MAP3K5: variants seen among roughly 807,000 people sequenced by gnomAD.
MAP3K5 encodes mitogen-activated protein kinase kinase kinase 5.
In MAP3K5, 56 loss-of-function variants were observed where a neutral mutation model predicts 158.7. The observed-to-expected ratio is 0.35, with a 90% CI of 0.28 to 0.44. The LOEUF (loss-of-function observed/expected upper bound fraction) is 0.44. Ranked by LOEUF, MAP3K5 falls within the 20% of genes least tolerant of loss-of-function variation. The probability of loss-of-function intolerance (pLI) is 1.00; values close to 1 mark genes in which losing one functional copy is unlikely to be tolerated. For synonymous variants in MAP3K5, 579 were observed against 601.7 expected (o/e 0.96, Z 0.55); for missense variants, 1,294 against 1,674.8 (o/e 0.77, Z 3.97).
At chr6:136,587,402 C>T (rs533505415) in intron 23 of MAP3K5, among the ~76,000 whole-genome samples, 54 of 152,238 alleles carry the variant, frequency 3.5e-4, no homozygotes, top group African/African-American at 1.3e-3. Flanking sequence ...TGATTTAAAT[C>T]ACTCACAATC....
intron 15 of MAP3K5, among the ~76,000 whole-genome samples, chr6:136,618,382 G>A (rs1046919429): frequency 6.6e-6 from 1 of 152,230 alleles, no homozygotes; most frequent in African/African-American, 2.4e-5. Flanking sequence ...CAAGCTAAGG[G>A]CTTGTCATGT....
chr6:136,668,208 C>T (rs7766871), intron 8 of MAP3K5, among the ~76,000 whole-genome samples: 3,166 of 151,918 alleles, frequency 0.021, 118 homozygotes, highest in African/African-American at 0.072. Context: ...AGTGTGGCCA[C>T]GTCTTTATAA....
chr6:136,605,279 G>A lies in MAP3K5; in HGVS notation c.2609C>T (p.Thr870Ile). ...TTTTCCTGTGGCCATTTCAATGATT[G>A]TACAGCCCAGAGACCAGATGTCTGC... ...KAADIWSLGC[T>I]IIEMATGKPP... Residue 870 changes from threonine to isoleucine, a missense_variant, in exon 19 of 30, where the codon ACA becomes ATA. Coordinates refer to ENST00000359015, the MANE Select transcript of MAP3K5 (RefSeq NM_005923.4). 2 of 1,614,012 alleles carry A rather than the reference G, an allele frequency of 1.2e-6. No homozygotes were observed. Among genetic ancestry groups the A allele is most frequent in the Non-Finnish European group, 1.7e-6 (2 of 1,179,930 alleles).
chr6:136,598,132 C>T (rs902343291), intron 21 of MAP3K5, among the ~76,000 whole-genome samples: 1 of 152,238 alleles, frequency 6.6e-6, no homozygotes, highest in African/African-American at 2.4e-5. Context: ...ACTCCAGCAT[C>T]ATCCCTCCCC....
At position 136,583,786 on chromosome 6, in the gene MAP3K5, T is replaced by A. The variant is rs774268807; in HGVS notation, c.3226-46A>T. The A allele has an allele frequency of 7.8e-6, 12 of 1,548,328 alleles. No individual in the cohort carries two copies. In the South Asian group the frequency reaches 1.3e-4, roughly 16 times the overall value. On this transcript the variant is annotated intron_variant, in intron 23 of 29. Transcript: ENST00000359015. ...TCCTTACATCAACATATGCTGGATA[T>A]ACCTGCCATGGTAATCCTATCTCCA... is the stretch of plus-strand genomic sequence containing the variant.
intron 15 of MAP3K5, among the ~76,000 whole-genome samples, chr6:136,617,507 A>G (rs1212212736): frequency 1.3e-5 from 2 of 152,158 alleles, no homozygotes; most frequent in Admixed American, 1.3e-4. Flanking sequence ...TTGACTGGAT[A>G]TTTACATCTC....
intron 25 of MAP3K5, among the ~76,000 whole-genome samples, chr6:136,579,630 T>G (rs974735539): frequency 6.6e-6 from 1 of 152,212 alleles, no homozygotes; most frequent in Non-Finnish European, 1.5e-5. Context: ...AACTATGGAC[T>G]CTTGGTGATG....
chr6:136,629,534 A>G (rs1777216899), intron 14 of MAP3K5, among the ~76,000 whole-genome samples: 1 of 147,752 alleles, frequency 6.8e-6, no homozygotes, highest in Non-Finnish European at 1.5e-5. Context: ...AGCTCGCTGC[A>G]AGCTCCGCCT....
At chr6:136,639,785 T>C in intron 12 of MAP3K5, 147 bp from the exon 13 acceptor site, 1 of 579,870 alleles carries the variant, frequency 1.7e-6, no homozygotes, top group Non-Finnish European at 3.1e-6. Context: ...TAAAAAGTGA[T>C]ACTTCCTGCA....
intron 9 of MAP3K5, among the ~76,000 whole-genome samples, chr6:136,658,456 A>G (rs1027393363): frequency 1.3e-5 from 2 of 151,104 alleles, no homozygotes; most frequent in African/African-American, 4.9e-5. Flanking sequence ...CTGGGATTAC[A>G]GGCACCCGCG....
intron 1 of MAP3K5, among the ~76,000 whole-genome samples, chr6:136,745,503 C>G (rs1359421955): frequency 6.6e-6 from 1 of 152,132 alleles, no homozygotes; most frequent in African/African-American, 2.4e-5. Context: ...GCTGGGAACG[C>G]TCCCCACTGA....
At chr6:136,596,527 A>T (rs1775638818) in intron 21 of MAP3K5, among the ~76,000 whole-genome samples, 1 of 152,150 alleles carries the variant, frequency 6.6e-6, no homozygotes. Context: ...CAGTGAGGCC[A>T]TTTGTAGATC....
intron 25 of MAP3K5, among the ~76,000 whole-genome samples, chr6:136,574,910 T>C (rs958763391): frequency 5.3e-5 from 8 of 151,936 alleles, no homozygotes; most frequent in South Asian, 2.1e-4. Flanking sequence ...AGGATGGTCT[T>C]GATCTCCTGA....
chr6:136,558,746 T>C, intron 29 of MAP3K5, 54 bp downstream of exon 29: 1 of 1,168,274 alleles, frequency 8.6e-7, no homozygotes, highest in South Asian at 1.2e-5. Flanking sequence ...ACTCAGACTT[T>C]TTGATATTTG....
intron 1 of MAP3K5, among the ~76,000 whole-genome samples, chr6:136,739,632 G>A (rs1469967121): frequency 6.6e-6 from 1 of 152,188 alleles, no homozygotes; most frequent in African/African-American, 2.4e-5. Flanking sequence ...TAGTTAAAGA[G>A]CATCTTCAAG....
intron 25 of MAP3K5, among the ~76,000 whole-genome samples, chr6:136,578,094 C>T (rs768045752): frequency 3.9e-5 from 6 of 152,116 alleles, no homozygotes; most frequent in Non-Finnish European, 8.8e-5. Context: ...CAGTGATATA[C>T]ACTATTCCCC....
intron 8 of MAP3K5, among the ~76,000 whole-genome samples, chr6:136,667,566 CAG>C (rs1267138312): frequency 2.6e-5 from 4 of 151,962 alleles, no homozygotes; most frequent in African/African-American, 9.7e-5. Flanking sequence ...GCTTGGGTGA[CAG>C]AGTGAGAGCC....
At chr6:136,606,896 T>C (rs1169593965) in intron 18 of MAP3K5, among the ~76,000 whole-genome samples, 1 of 152,246 alleles carries the variant, frequency 6.6e-6, no homozygotes, top group Non-Finnish European at 1.5e-5. Flanking sequence ...AATGGACTAT[T>C]GTTTACAAAA....
At chr6:136,641,253 A>G (rs1777919086) in intron 12 of MAP3K5, among the ~76,000 whole-genome samples, 1 of 152,228 alleles carries the variant, frequency 6.6e-6, no homozygotes, top group Non-Finnish European at 1.5e-5. Flanking sequence ...TAGCTTTACC[A>G]GGAGAACTCC....
Sources: gnomAD v4.1 joint callset for allele counts (sites outside exome capture counted in the v4.1 genomes callset) on GRCh38, gnomAD v4.1.1 for gene constraint, MANE v1.5 for transcripts, NCBI Gene and HGNC (gene_info 2026-07-23, HGNC 2026-07-21) for gene names.